LITAF: variants seen among roughly 807,000 people sequenced by gnomAD.
LITAF encodes lipopolysaccharide induced TNF factor.
In LITAF, 9 loss-of-function variants were observed where a neutral mutation model predicts 14.5. The ratio of observed to expected loss-of-function variants is 0.62; its 90% confidence interval spans 0.37 to 1.08. The LOEUF (loss-of-function observed/expected upper bound fraction) is 1.08, where lower values mean the gene tolerates loss of function less well. Ranked by LOEUF, LITAF falls within the 50% of genes least tolerant of loss-of-function variation. LITAF has a pLI of 0.01. For synonymous variants in LITAF, 98 were observed against 88.2 expected (o/e 1.11, Z -0.62); for missense variants, 206 against 213.4 (o/e 0.97, Z 0.22).
At position 11,551,402 on chromosome 16, in the gene LITAF, G is replaced by A. The variant is rs141062623; in HGVS notation, c.378-1657C>T. ...AGATGGGGAAACTGAAGCACAGAGA[G>A]GTAAAGTCACTTGCCCATGGCCACA... On this transcript the variant is annotated intron_variant, in intron 3 of 3. Transcript: ENST00000622633. Among the ~76,000 whole-genome samples, 254 of 152,252 alleles carry A rather than the reference G, an allele frequency of 1.7e-3. 1 individual carries two copies. The highest frequency in any genetic ancestry group is 3.4e-3 in the Middle Eastern group (1 of 294).
chr16:11,562,854 G>A (rs1011612881), intron 1 of LITAF, among the ~76,000 whole-genome samples: 1 of 152,000 alleles, frequency 6.6e-6, no homozygotes, highest in Non-Finnish European at 1.5e-5. Flanking sequence ...CTAGGATCAC[G>A]CCACTGCTCT....
At chr16:11,581,591 C>G (rs1240528564) in intron 1 of LITAF, among the ~76,000 whole-genome samples, 1 of 152,068 alleles carries the variant, frequency 6.6e-6, no homozygotes, top group East Asian at 1.9e-4. Flanking sequence ...TGTACTCCAG[C>G]CTGGCCAACA....
chr16:11,615,735 A>T (rs1316427986), intron 3 of LITAF, among the ~76,000 whole-genome samples: 2 of 152,196 alleles, frequency 1.3e-5, no homozygotes, highest in East Asian at 3.8e-4. Context: ...TGGTATAATA[A>T]AAAGTATCTG....
chr16:11,622,219 C>A (rs1003384469), intron 3 of LITAF, among the ~76,000 whole-genome samples: 2 of 152,120 alleles, frequency 1.3e-5, no homozygotes, highest in Non-Finnish European at 2.9e-5. Flanking sequence ...CTCATGAGAC[C>A]CCAGCTGGAA....
chr16:11,609,449 A>G (rs1166272805), intron 3 of LITAF, among the ~76,000 whole-genome samples: 4 of 152,058 alleles, frequency 2.6e-5, no homozygotes, highest in African/African-American at 4.8e-5. Flanking sequence ...CCTGACCTCA[A>G]GTGATCCACC....
At position 11,558,534 on chromosome 16, in the gene LITAF, C is replaced by T. The variant is rs922906329; in HGVS notation, c.-5-1799G>A. Reference sequence around the variant, plus strand: ...ACCAGCCTGGGCAACATAGTGAGACCCTGTCTCTACAACGAATAAAAAAAG... The same window carrying T: ...ACCAGCCTGGGCAACATAGTGAGACTCTGTCTCTACAACGAATAAAAAAAG... On this transcript the variant is annotated intron_variant, in intron 1 of 3. Coordinates refer to ENST00000622633, the MANE Select transcript of LITAF (RefSeq NM_001136472.2). This position sits in a 1 kb window ranked among gnomAD's most constrained non-coding sequence, Gnocchi z 4.1. Among the ~76,000 whole-genome samples, 12 of 151,888 alleles carry T rather than the reference C, an allele frequency of 7.9e-5. No individual in the cohort carries two copies. Among genetic ancestry groups the T allele is most frequent in the African/African-American group, 2.9e-4 (12 of 41,318 alleles).
chr16:11,628,603 A>C (rs1423028430), intron 3 of LITAF, among the ~76,000 whole-genome samples: 1 of 152,150 alleles, frequency 6.6e-6, no homozygotes, highest in Non-Finnish European at 1.5e-5. Context: ...TCCTAGGGTC[A>C]AGGGATCTTC....
chr16:11,618,994 A>AAAAC (rs141083763), intron 3 of LITAF, among the ~76,000 whole-genome samples: 38,930 of 148,092 alleles, frequency 0.26, 6,869 homozygotes, highest in African/African-American at 0.5. Flanking sequence ...AAAAAAAAAC[A>AAAAC]AAACAAACAA....
rs551709787 is a variant in LITAF, at chr16:11,559,481, A to G, written c.-5-2746T>C. ...ATGGTAAATTTGATGAACACTGAAT[A>G]TAGATCAAAATGTTTTTTGATAAAA... On this transcript the variant is annotated intron_variant, in intron 1 of 3. Transcript: ENST00000622633. 3.2e-3 allele frequency among the ~76,000 whole-genome samples: 480 copies of G among 152,282 alleles called. 6 individuals are homozygous for G. Among genetic ancestry groups the G allele is most frequent in the African/African-American group, 0.011 (464 of 41,556 alleles).
At position 11,595,554 on chromosome 16, in the gene LITAF, C is replaced by G. The variant is rs143142431; in HGVS notation, c.-6+2834G>C. Among the ~76,000 whole-genome samples, 743 of 152,226 alleles carry G rather than the reference C, an allele frequency of 4.9e-3. 3 individuals carry two copies. The highest frequency in any genetic ancestry group is 0.017 in the African/African-American group (694 of 41,558). On this transcript the variant is annotated intron_variant, in intron 1 of 3. Transcript: ENST00000571627. ...ACCATCCTGGCTAACACAGTGAAAC[C>G]CTGTCTTTACTAAAAATACAAAAAA...
intron 3 of LITAF, among the ~76,000 whole-genome samples, chr16:11,603,744 C>T (rs982111802): frequency 1.3e-5 from 2 of 152,180 alleles, no homozygotes; most frequent in Admixed American, 1.3e-4. Context: ...TATAAATGCA[C>T]ATTTAAGAAT....
At chr16:11,584,879 G>A (rs1200769086) in intron 1 of LITAF, among the ~76,000 whole-genome samples, 1 of 152,122 alleles carries the variant, frequency 6.6e-6, no homozygotes, top group Admixed American at 6.6e-5. Flanking sequence ...ATTCCCCAAA[G>A]ACAGTGAATT....
rs150472475 is a variant in LITAF, at chr16:11,547,767, G to A, written c.*1870C>T. On this transcript the variant is annotated 3_prime_UTR_variant, in exon 4 of 4. Coordinates refer to ENST00000622633, the MANE Select transcript of LITAF (RefSeq NM_001136472.2). ...TAAAACTTGAAAGCTATGGCTTGCC[G>A]CCATCAATGACGCCTATTGGGTTCC... The A allele has an allele frequency of 2.4e-5, 11 of 453,456 alleles. 1 individual carries two copies. The highest frequency in any genetic ancestry group is 7.8e-5 in the South Asian group (5 of 64,460). The allele number at this position is 453,456 out of a possible 1,614,324, so 28.1% of individuals were successfully genotyped here.
At chr16:11,566,800 A>G (rs1474392227) in intron 1 of LITAF, among the ~76,000 whole-genome samples, 1 of 152,118 alleles carries the variant, frequency 6.6e-6, no homozygotes, top group East Asian at 1.9e-4. Context: ...TGGGTTAAAA[A>G]AAAAAAAAGA....
intron 1 of LITAF, among the ~76,000 whole-genome samples, chr16:11,582,949 T>A (rs1367737569): frequency 6.6e-6 from 1 of 152,220 alleles, no homozygotes; most frequent in Non-Finnish European, 1.5e-5. Flanking sequence ...TTTGTTGTCA[T>A]GGAATTTAAC....
At chr16:11,576,534 C>CAAAAAAAAAAAAAAAAAAAAAAA (rs66551972) in intron 1 of LITAF, among the ~76,000 whole-genome samples, 1 of 62,984 alleles carries the variant, frequency 1.6e-5, no homozygotes, top group African/African-American at 5.3e-5. Context: ...TTACAATCTG[C>CAAAAAAAAAAAAAAAAAAAAAAA]AAAAAAAAAA....
chr16:11,559,071 T>C (rs1357199639), intron 1 of LITAF, among the ~76,000 whole-genome samples: 1 of 152,016 alleles, frequency 6.6e-6, no homozygotes, highest in Non-Finnish European at 1.5e-5. Flanking sequence ...AACATAGTGA[T>C]ACCCTCTCTC....
upstream of LITAF, among the ~76,000 whole-genome samples, chr16:11,638,702 A>C (rs1304148446): frequency 2.8e-5 from 1 of 35,904 alleles, no homozygotes; most frequent in Non-Finnish European, 4.3e-5. Context: ...ACTCTGTCTC[A>C]AAAAAAAAAA....
At chr16:11,564,717 G>C (rs2064424525) in intron 1 of LITAF, among the ~76,000 whole-genome samples, 1 of 152,128 alleles carries the variant, frequency 6.6e-6, no homozygotes, top group Non-Finnish European at 1.5e-5. Context: ...GGGAAGCCCG[G>C]GGTGGCCAGC....
Sources: allele counts gnomAD v4.1 joint callset (sites outside exome capture counted in the v4.1 genomes callset), GRCh38; gene constraint gnomAD v4.1.1; non-coding constraint Gnocchi (gnomAD v3.1); transcripts MANE v1.5; gene names NCBI Gene and HGNC (gene_info 2026-07-23, HGNC 2026-07-21).